The following DCDC2C variants were observed in gnomAD, a reference collection of about 807,000 sequenced individuals.
The protein encoded by DCDC2C is doublecortin domain containing 2C.
Under a neutral mutation model 45.0 loss-of-function variants are expected in DCDC2C, and 44 were observed. The observed-to-expected ratio is 0.98, with a 90% CI of 0.77 to 1.26. DCDC2C has a LOEUF of 1.26. DCDC2C is among the 50% of genes most tolerant of loss of function. The probability of loss-of-function intolerance (pLI) is 0.00; values close to 1 mark genes in which losing one functional copy is unlikely to be tolerated. For synonymous variants in DCDC2C, 187 were observed against 178.8 expected, an observed-to-expected ratio of 1.05 and a Z score of -0.37; for missense variants, 447 against 468.9, an observed-to-expected ratio of 0.95 and a Z score of 0.43.
At chr2:3,784,770 A>G (rs1194405936) in intron 9 of DCDC2C, among the ~76,000 whole-genome samples, 2 of 152,214 alleles carry the variant, frequency 1.3e-5, no homozygotes, top group African/African-American at 4.8e-5. Flanking sequence ...TCAAAGTGTA[A>G]CAGAGAATAC....
At chr2:3,803,367 ATCTT>A (rs59113335) in intron 10 of DCDC2C, among the ~76,000 whole-genome samples, 3,200 of 152,142 alleles carry the variant, frequency 0.021, 129 homozygotes, top group African/African-American at 0.074. Context: ...TGGCTTCTCC[ATCTT>A]GGCTCCAGTC....
chr2:3,801,412 C>T (rs1012117717), intron 10 of DCDC2C, among the ~76,000 whole-genome samples: 3 of 152,062 alleles, frequency 2.0e-5, no homozygotes, highest in African/African-American at 7.2e-5. Context: ...GTGCTGGGCA[C>T]AAAGGAAGAA....
intron 3 of DCDC2C, among the ~76,000 whole-genome samples, chr2:3,729,726 C>T (rs1668805267): frequency 6.6e-6 from 1 of 151,992 alleles, no homozygotes; most frequent in African/African-American, 2.4e-5. Context: ...GCATATTTGT[C>T]AATGCTCTAA....
intron 10 of DCDC2C, among the ~76,000 whole-genome samples, chr2:3,825,586 T>A (rs1256698076): frequency 6.6e-6 from 1 of 152,196 alleles, no homozygotes; most frequent in Non-Finnish European, 1.5e-5. Flanking sequence ...GAGCTTGCAG[T>A]GACCCATGGG....
At chr2:3,796,644 T>A (rs1305020806) in intron 10 of DCDC2C, among the ~76,000 whole-genome samples, 1 of 132,744 alleles carries the variant, frequency 7.5e-6, no homozygotes, top group African/African-American at 3.0e-5. Context: ...TTTTTGTCTT[T>A]GGTTCTGTTT....
At chr2:3,812,158 G>T (rs755082142) in intron 10 of DCDC2C, among the ~76,000 whole-genome samples, 3 of 151,636 alleles carry the variant, frequency 2.0e-5, no homozygotes, top group Non-Finnish European at 2.9e-5. Flanking sequence ...AATGGTACCA[G>T]CTCCTCTTTG....
At chr2:3,759,721 C>A (rs961781069) in intron 6 of DCDC2C, among the ~76,000 whole-genome samples, 1 of 152,150 alleles carries the variant, frequency 6.6e-6, no homozygotes, top group Non-Finnish European at 1.5e-5. Flanking sequence ...GAGATAATAT[C>A]CATGCATAAA....
At chr2:3,708,794 G>A (rs1039249110) in intron 2 of DCDC2C, among the ~76,000 whole-genome samples, 194 bp downstream of exon 2, 8 of 152,250 alleles carry the variant, frequency 5.3e-5, no homozygotes, top group Admixed American at 1.3e-4. Context: ...GTGGCGGAAG[G>A]CAGTGAAGAG....
intron 10 of DCDC2C, among the ~76,000 whole-genome samples, chr2:3,819,065 A>T (rs914572697): frequency 6.6e-6 from 1 of 152,140 alleles, no homozygotes; most frequent in East Asian, 1.9e-4. Flanking sequence ...TAGCCTCTGT[A>T]TTGATTAAGA....
chr2:3,814,778 T>C (rs1368156634), intron 10 of DCDC2C, among the ~76,000 whole-genome samples: 1 of 152,192 alleles, frequency 6.6e-6, no homozygotes, highest in Admixed American at 6.5e-5. Context: ...CCCTGCCCAA[T>C]GAGGAAGGAT....
intron 2 of DCDC2C, among the ~76,000 whole-genome samples, chr2:3,725,296 T>C (rs1364577513): frequency 6.6e-6 from 1 of 152,062 alleles, no homozygotes; most frequent in Non-Finnish European, 1.5e-5. Context: ...GGAGAGGCTG[T>C]GGGGGCTCGA....
At position 3,729,145 on chromosome 2, in the gene DCDC2C, G is replaced by C. The variant is rs186102174; in HGVS notation, c.416+2066G>C. Reference sequence around the variant, plus strand: ...AGAAAAAGCGTTTAAAAGATCTTTTGTCGTTTATTTAGAAGTGAGCTGGCA... The same window carrying C: ...AGAAAAAGCGTTTAAAAGATCTTTTCTCGTTTATTTAGAAGTGAGCTGGCA... On this transcript the variant is annotated intron_variant, in intron 3 of 10. Coordinates refer to ENST00000399143, the MANE Select transcript of DCDC2C (RefSeq NM_001287444.2). Among the ~76,000 whole-genome samples, 11 of 152,324 alleles carry C rather than the reference G, an allele frequency of 7.2e-5. No homozygotes were observed. In the East Asian group the frequency reaches 2.1e-3, roughly 29 times the overall value.
chr2:3,809,619 A>G (rs1671338876), intron 10 of DCDC2C, among the ~76,000 whole-genome samples: 1 of 152,144 alleles, frequency 6.6e-6, no homozygotes, highest in South Asian at 2.1e-4. Flanking sequence ...GTCGCTTTTT[A>G]AAATAAATTT....
intron 2 of DCDC2C, among the ~76,000 whole-genome samples, chr2:3,720,561 G>T (rs540758885): frequency 6.6e-6 from 1 of 152,308 alleles, no homozygotes; most frequent in East Asian, 1.9e-4. Context: ...ACATGCAGCT[G>T]GGTCAGGCTT....
chr2:3,755,677 G>A (rs1157178210), intron 6 of DCDC2C, among the ~76,000 whole-genome samples: 3 of 152,020 alleles, frequency 2.0e-5, no homozygotes, highest in African/African-American at 7.3e-5. Context: ...ATATGTGTGT[G>A]GATGTGTGTA....
At chr2:3,778,419 C>G (rs543118758) in intron 8 of DCDC2C, among the ~76,000 whole-genome samples, 3 of 152,274 alleles carry the variant, frequency 2.0e-5, no homozygotes, top group African/African-American at 7.2e-5. Flanking sequence ...TAGGAAATAA[C>G]CATGGAGAGT....
Position 3,703,714 on chromosome 2 carries a change from G to C in DCDC2C, c.-38G>C. On this transcript the variant is annotated 5_prime_UTR_variant, in exon 1 of 11. Transcript: ENST00000399143. This position sits in a 1 kb window ranked among gnomAD's most constrained non-coding sequence, Gnocchi z 4.4. ...AGGCGTCGCTGCCCGCGCTGCCGCA[G>C]CCTCTCGGCCCCGGCGAGCGAGGAG... is the stretch of plus-strand genomic sequence containing the variant. 8.2e-7 allele frequency: 1 copy of C among 1,226,546 alleles called. No individual in the cohort carries two copies. The highest frequency in any genetic ancestry group is 1.0e-6 in the Non-Finnish European group (1 of 984,408). 76.0% of individuals were successfully genotyped at this position (1,226,546 alleles called of 1,614,324 possible). A position where few individuals can be genotyped will look rare whatever the true frequency, so the allele number is the denominator to read the frequency against.
At chr2:3,727,940 CT>C (rs1668743423) in intron 3 of DCDC2C, among the ~76,000 whole-genome samples, 1 of 152,190 alleles carries the variant, frequency 6.6e-6, no homozygotes, top group Non-Finnish European at 1.5e-5. Flanking sequence ...GCTCTTCCCC[CT>C]GTCCTTTTAT....
chr2:3,724,398 C>T (rs1453240953), intron 2 of DCDC2C, among the ~76,000 whole-genome samples: 1 of 152,152 alleles, frequency 6.6e-6, no homozygotes, highest in Non-Finnish European at 1.5e-5. Context: ...TTCCTCTCAC[C>T]CTTCTTCCAA....
Sources: gnomAD v4.1 joint callset for allele counts (sites outside exome capture counted in the v4.1 genomes callset) on GRCh38, gnomAD v4.1.1 for gene constraint, Gnocchi (gnomAD v3.1) non-coding constraint, MANE v1.5 for transcripts, NCBI Gene and HGNC (gene_info 2026-07-23, HGNC 2026-07-21) for gene names.